Variants in OTUD7A observed in about 807,000 individuals in gnomAD.
The protein encoded by OTUD7A is OTU deubiquitinase 7A, also known as OTU domain-containing protein 7A.
OTUD7A carries 12 observed loss-of-function variants against 65.7 expected under a neutral mutation model. The ratio of observed to expected loss-of-function variants is 0.18; its 90% CI spans 0.12 to 0.30. The LOEUF is 0.30. Among genes scored for constraint, OTUD7A ranks in the 10% least tolerant of loss-of-function variants. OTUD7A has a pLI of 1.00. For missense variants in OTUD7A, 1,148 were observed against 1,304.8 expected, an observed-to-expected ratio of 0.88 and a Z score of 1.85; for synonymous variants, 641 against 586.3, an observed-to-expected ratio of 1.09 and a Z score of -1.35.
intron 10 of OTUD7A, among the ~76,000 whole-genome samples, chr15:31,493,302 C>T (rs910521215): frequency 6.6e-6 from 1 of 152,166 alleles, no homozygotes; most frequent in African/African-American, 2.4e-5. Flanking sequence ...AGGAACATTA[C>T]ATAATGCTAA....
Position 31,487,303 on chromosome 15 carries a change from G to T in OTUD7A, c.1287-25C>A, listed in dbSNP as rs1387323265. On this transcript the variant is annotated intron_variant, in intron 11 of 12. Coordinates refer to ENST00000307050, the MANE Select transcript of OTUD7A (RefSeq NM_001382637.1). The surrounding 1 kb of genome is among the most constrained non-coding windows in gnomAD (Gnocchi z 6.0). The stretch of plus-strand genomic sequence containing the variant: ...GCTGGCAAGAGAAGAATATCCTATT[G>T]AAATGGTCTGAGCTGGCCCTTATAG... The T allele has an allele frequency of 3.1e-6, 5 of 1,611,838 alleles. No homozygotes were observed. The South Asian group carries it at 3.3e-5, about 11-fold the overall frequency.
At position 31,484,068 on chromosome 15, in the gene OTUD7A, C is replaced by T. The variant is rs1416159869; in HGVS notation, c.2028G>A (p.Gln676=). Reference sequence around the variant, plus strand: ...TAGCGGCGTCGCGGCGCCGCTGCTCCTGCTCGGCGCTGAAGCGCTCCTGCG... The same window carrying T: ...TAGCGGCGTCGCGGCGCCGCTGCTCTTGCTCGGCGCTGAAGCGCTCCTGCG... ...TSAQERFSAE[Q]EQRRRDAATA... Residue 676 remains glutamine (Q), a synonymous_variant, in exon 13 of 13, where the codon CAG becomes CAA. Coordinates refer to ENST00000307050, the MANE Select transcript of OTUD7A (RefSeq NM_001382637.1). The surrounding 1 kb of genome is among the most constrained non-coding windows in gnomAD (Gnocchi z 4.5). 4 of 1,548,238 alleles carry T rather than the reference C, an allele frequency of 2.6e-6. No individual in the cohort carries two copies. Among genetic ancestry groups the T allele is most frequent in the Admixed American group, 1.8e-5 (1 of 55,270 alleles).
In OTUD7A at chr15:31,867,999, A is replaced by T. The variant is rs114942053; in HGVS notation, c.-100+2508T>A. 6.8e-3 allele frequency among the ~76,000 whole-genome samples: 1,035 copies of T among 152,368 alleles called. 15 individuals are homozygous for T. Among genetic ancestry groups the T allele is most frequent in the African/African-American group, 0.024 (998 of 41,584 alleles). ...TCCACTCCCAAGGTGGCTCTGACAC[A>T]GGCCCGCCAAGCCGCGTTTAGCACG... is the stretch of plus-strand genomic sequence containing the variant. On this transcript the variant is annotated intron_variant, in intron 1 of 12. Coordinates refer to ENST00000307050, the MANE Select transcript of OTUD7A (RefSeq NM_001382637.1).
chr15:31,529,001 A>G (rs994541982), intron 6 of OTUD7A, among the ~76,000 whole-genome samples: 5 of 152,176 alleles, frequency 3.3e-5, no homozygotes, highest in African/African-American at 4.8e-5. Context: ...TGCAGATGGA[A>G]ATGACCAGCC....
In OTUD7A at chr15:31,483,612, G is replaced by C. The variant is rs2041173791; in HGVS notation, c.2484C>G (p.Asn828Lys). The C allele has an allele frequency of 1.7e-6, 2 of 1,208,534 alleles. No homozygotes were observed. Among genetic ancestry groups the C allele is most frequent in the East Asian group, 7.4e-5 (2 of 27,128 alleles). 74.9% of individuals were successfully genotyped at this position (1,208,534 alleles called of 1,614,324 possible). ...PARAAALRTVNTVESLARAVP... is the reference protein window; with the variant it reads ...PARAAALRTVKTVESLARAVP... The stretch of plus-strand genomic sequence containing the variant: ...CCGCGCGCGCCAGCGACTCGACCGT[G>C]TTGACGGTGCGCAGGGCGGCGGCGC... The change falls in exon 13 of 13, where the codon AAC (asparagine) becomes AAG (lysine). Residue 828 changes from asparagine to lysine, a missense_variant. By Grantham distance (94) the Asn-to-Lys change is moderately conservative. Around this residue, in one of 6 missense-constraint regions of OTUD7A, gnomAD observed 842 missense variants for 769.5 expected, o/e 1.09. Transcript: ENST00000307050.
Position 31,750,403 on chromosome 15 carries a change from C to CAAAAAA in OTUD7A, c.-99-93332_-99-93327dup, listed in dbSNP as rs3080850. On this transcript the variant is annotated intron_variant, in intron 1 of 12. Coordinates refer to ENST00000307050, the MANE Select transcript of OTUD7A (RefSeq NM_001382637.1). ...AGCCCGGGCAACAGAGAATCTGACT[C>CAAAAAA]AAAAAAAAAAAAAAAAAAAGTCATA... is the stretch of plus-strand genomic sequence containing the variant. Among the ~76,000 whole-genome samples the CAAAAAA allele has an allele frequency of 7.8e-4, 69 of 88,084 alleles. 2 individuals carry two copies. Among genetic ancestry groups the CAAAAAA allele is most frequent in the Non-Finnish European group, 9.7e-4 (46 of 47,356 alleles). The allele number at this position is 88,084 out of a possible 152,430, so 57.8% of individuals were successfully genotyped here. A position where few individuals can be genotyped will look rare whatever the true frequency, so the allele number is the denominator to read the frequency against.
chr15:31,749,039 C>T (rs1894555275), intron 1 of OTUD7A, among the ~76,000 whole-genome samples: 1 of 146,158 alleles, frequency 6.8e-6, no homozygotes, highest in South Asian at 2.1e-4. Context: ...ATCGCAAGGA[C>T]AAAAAACCAA....
intron 10 of OTUD7A, among the ~76,000 whole-genome samples, chr15:31,499,703 C>G (rs2041436334): frequency 1.3e-5 from 2 of 152,228 alleles, no homozygotes; most frequent in African/African-American, 4.8e-5. Context: ...GAATGTGCAG[C>G]CTGGCCACAG....
chr15:31,826,743 A>G (rs1341451220), intron 1 of OTUD7A, among the ~76,000 whole-genome samples: 1 of 152,212 alleles, frequency 6.6e-6, no homozygotes, highest in Non-Finnish European at 1.5e-5. Flanking sequence ...ACAGCATCTA[A>G]TTCACCGCTT....
chr15:31,557,545 G>A (rs1888537901), intron 5 of OTUD7A: 3 of 152,160 alleles, frequency 2.0e-5, no homozygotes, highest in South Asian at 2.1e-4. Flanking sequence ...TCTCTCTCCC[G>A]GATGCCACAC....
chr15:31,794,332 T>C (rs781585167), intron 1 of OTUD7A, among the ~76,000 whole-genome samples: 4 of 152,246 alleles, frequency 2.6e-5, no homozygotes, highest in Non-Finnish European at 4.4e-5. Flanking sequence ...CCTTAATATC[T>C]GTCAAAGTTT....
chr15:31,507,645 G>A (rs2041601317), intron 8 of OTUD7A, among the ~76,000 whole-genome samples: 1 of 143,020 alleles, frequency 7.0e-6, no homozygotes, highest in African/African-American at 2.6e-5. Context: ...GGGGGGCGGG[G>A]GTGGCAAGCT....
intron 10 of OTUD7A, among the ~76,000 whole-genome samples, chr15:31,490,776 G>A (rs1217380915): frequency 6.6e-6 from 1 of 152,198 alleles, no homozygotes; most frequent in South Asian, 2.1e-4. Context: ...AAGACTGGCA[G>A]GAGTTCTAAG....
chr15:31,501,574 G>A (rs957906923), intron 10 of OTUD7A, 116 bp downstream of exon 10: 40 of 1,334,032 alleles, frequency 3.0e-5, no homozygotes, highest in Non-Finnish European at 2.4e-5. Flanking sequence ...AGTGTGCACA[G>A]GTGTGCTTCT....
chr15:31,508,872 T>C (rs2041627100), intron 8 of OTUD7A, among the ~76,000 whole-genome samples: 2 of 152,280 alleles, frequency 1.3e-5, no homozygotes, highest in Non-Finnish European at 2.9e-5. Context: ...TCTTAAGGTC[T>C]TGGCTTTTTT....
At chr15:31,654,724 C>T (rs1049435416) in intron 3 of OTUD7A, among the ~76,000 whole-genome samples, 5 of 152,144 alleles carry the variant, frequency 3.3e-5, no homozygotes, top group African/African-American at 1.2e-4. Flanking sequence ...ATGGTATCTA[C>T]GTGAAAAGCT....
chr15:31,765,337 C>T (rs1895069014), intron 1 of OTUD7A, among the ~76,000 whole-genome samples: 1 of 152,074 alleles, frequency 6.6e-6, no homozygotes, highest in Non-Finnish European at 1.5e-5. Flanking sequence ...TCTTCACATT[C>T]TTATACTTAG....
chr15:31,685,677 C>G (rs1236318450), intron 1 of OTUD7A, among the ~76,000 whole-genome samples: 1 of 152,164 alleles, frequency 6.6e-6, no homozygotes, highest in African/African-American at 2.4e-5. Context: ...ATCCCAGTTA[C>G]CAAATGCTTG....
At position 31,527,123 on chromosome 15, in the gene OTUD7A, G is replaced by A. The variant is rs2042025440; in HGVS notation, c.780+58C>T. The A allele has an allele frequency of 9.3e-6, 15 of 1,605,272 alleles. No homozygotes were observed. The Admixed American group carries it at 1.3e-4, about 14-fold the overall frequency. ...GAGGCCATGCTGTGGACTCGACCAC[G>A]GCCCGAGGCTGCATCTGGCCTGGGT... is the stretch of plus-strand genomic sequence containing the variant. On this transcript the variant is annotated intron_variant, in intron 7 of 12. Transcript: ENST00000307050.
Sources: allele counts gnomAD v4.1 joint callset (sites outside exome capture counted in the v4.1 genomes callset), GRCh38; gene constraint gnomAD v4.1.1; regional missense constraint gnomAD v4.1.1; non-coding constraint Gnocchi (gnomAD v3.1); transcripts MANE v1.5; gene names NCBI Gene and HGNC (gene_info 2026-07-23, HGNC 2026-07-21).